The following RNF130 variants were observed in gnomAD, a reference collection of about 807,000 sequenced individuals.
The protein encoded by RNF130 is E3 ubiquitin-protein ligase RNF130.
RNF130 carries 21 observed loss-of-function variants against 44.6 expected under a neutral mutation model. The ratio of observed to expected loss-of-function variants is 0.47; its 90% CI spans 0.33 to 0.68. The LOEUF (loss-of-function observed/expected upper bound fraction) is 0.68. Among genes scored for constraint, RNF130 ranks in the 30% least tolerant of loss-of-function variants. The probability of loss-of-function intolerance (pLI) is 0.02; values close to 1 mark genes in which losing one functional copy is unlikely to be tolerated. For synonymous variants in RNF130, 214 were observed against 210.4 expected (o/e 1.02, Z -0.15); for missense variants, 479 against 560.6 (o/e 0.85, Z 1.47).
intron 7 of RNF130, among the ~76,000 whole-genome samples, chr5:179,925,609 G>C (rs759220454): frequency 2.0e-5 from 3 of 152,128 alleles, no homozygotes; most frequent in Non-Finnish European, 4.4e-5. Context: ...GCTCACTGCA[G>C]CGTCAACCTC....
In RNF130 at chr5:180,050,911, C is replaced by T. The variant is rs528516544; in HGVS notation, c.248-10264G>A. Among the ~76,000 whole-genome samples the T allele has an allele frequency of 2.6e-5, 4 of 152,202 alleles. No individual in the cohort carries two copies. The South Asian group carries it at 6.2e-4, about 24-fold the overall frequency. On this transcript the variant is annotated intron_variant, in intron 1 of 8. Coordinates refer to ENST00000521389, the MANE Select transcript of RNF130 (RefSeq NM_018434.6). ...CTCAACTTCCTGGGCTCAAGTAATC[C>T]TCCCACCTCAGCATCCTGAGTAGCT...
intron 5 of RNF130, among the ~76,000 whole-genome samples, chr5:179,974,261 G>A: frequency 6.6e-6 from 1 of 152,122 alleles, no homozygotes. Context: ...CTCCTGAAGT[G>A]GCATGGAAAC....
intron 3 of RNF130, among the ~76,000 whole-genome samples, chr5:180,011,021 A>G (rs1763582545): frequency 6.6e-6 from 1 of 152,230 alleles, no homozygotes; most frequent in African/African-American, 2.4e-5. Flanking sequence ...AGGAGAAATG[A>G]GTGAAGGGGA....
At chr5:179,999,898 G>A (rs147293764) in intron 3 of RNF130, among the ~76,000 whole-genome samples, 114 of 152,186 alleles carry the variant, frequency 7.5e-4, no homozygotes, top group Non-Finnish European at 1.3e-3. Context: ...ATTTTTAATT[G>A]CCTCTGGTTG....
At chr5:180,027,277 G>C (rs1434265599) in intron 2 of RNF130, among the ~76,000 whole-genome samples, 1 of 152,138 alleles carries the variant, frequency 6.6e-6, no homozygotes, top group Non-Finnish European at 1.5e-5. Flanking sequence ...AATTTCTGTA[G>C]ACAGCACTGC....
At chr5:180,010,522 G>C (rs1347371659) in intron 3 of RNF130, among the ~76,000 whole-genome samples, 2 of 152,020 alleles carry the variant, frequency 1.3e-5, no homozygotes, top group African/African-American at 4.8e-5. Flanking sequence ...ACCTTGCCCA[G>C]CTACATTTTT....
intron 7 of RNF130, among the ~76,000 whole-genome samples, chr5:179,938,875 C>G (rs965677372): frequency 2.0e-5 from 3 of 152,090 alleles, no homozygotes; most frequent in Non-Finnish European, 2.9e-5. Flanking sequence ...ATGGAAAAGC[C>G]GATTCATGCT....
At chr5:180,062,009 C>T (rs1234012685) in intron 1 of RNF130, among the ~76,000 whole-genome samples, 1 of 151,854 alleles carries the variant, frequency 6.6e-6, no homozygotes, top group East Asian at 1.9e-4. Context: ...TCTTTGTGTC[C>T]TCACATGGCA....
Position 179,988,451 on chromosome 5 carries a change from T to A in RNF130, c.694-8251A>T, listed in dbSNP as rs75461572. Among the ~76,000 whole-genome samples the A allele has an allele frequency of 9.7e-3, 1,479 of 152,324 alleles. 23 individuals are homozygous for A. The highest frequency in any genetic ancestry group is 0.034 in the African/African-American group (1,416 of 41,562). ...TTCATTCTACCAATTTTGGGTTTGG[T>A]TTATTCTTGCTTTTCCAGTTCCTTG... On this transcript the variant is annotated intron_variant, in intron 3 of 8. Transcript: ENST00000521389.
chr5:179,914,291 C>A (rs1444594429), exon 8 of RNF130: 1 of 152,278 alleles, frequency 6.6e-6, no homozygotes, highest in East Asian at 1.9e-4. Context: ...TTCCCACACT[C>A]CCTGACAGTG....
At chr5:180,006,572 C>T (rs1763467124) in intron 3 of RNF130, among the ~76,000 whole-genome samples, 1 of 152,166 alleles carries the variant, frequency 6.6e-6, no homozygotes, top group South Asian at 2.1e-4. Context: ...AAAGCACATG[C>T]ATTTTCACTG....
chr5:180,062,199 C>T (rs2386704), intron 1 of RNF130, among the ~76,000 whole-genome samples: 58,828 of 151,822 alleles, frequency 0.39, 12,479 homozygotes, highest in South Asian at 0.61. Context: ...GGACTACAGG[C>T]ACGCACAGCC....
At chr5:179,915,914 G>A (rs1561656546) in exon 8 of RNF130, 1 of 152,192 alleles carries the variant, frequency 6.6e-6, no homozygotes, top group South Asian at 2.1e-4. Context: ...TCACACCCCA[G>A]TTGCTTGATA....
intron 2 of RNF130, among the ~76,000 whole-genome samples, chr5:180,016,342 T>TCAGGACGGATACA: frequency 6.6e-6 from 1 of 151,950 alleles, no homozygotes; most frequent in Middle Eastern, 3.4e-3. Flanking sequence ...TGGCCCAGTT[T>TCAGGACGGATACA]CACGCCAAAG....
At chr5:180,023,583 T>C (rs1763921436) in intron 2 of RNF130, among the ~76,000 whole-genome samples, 1 of 152,144 alleles carries the variant, frequency 6.6e-6, no homozygotes, top group Non-Finnish European at 1.5e-5. Context: ...AATGGAGGCA[T>C]GTCAAAGGAC....
chr5:179,932,196 T>C (rs1761819296), intron 7 of RNF130, among the ~76,000 whole-genome samples: 1 of 142,458 alleles, frequency 7.0e-6, no homozygotes, highest in Non-Finnish European at 1.5e-5. Context: ...GTTGTACCAA[T>C]TCTAATTGTA....
intron 3 of RNF130, among the ~76,000 whole-genome samples, chr5:180,000,825 G>C (rs559148460): frequency 2.7e-4 from 41 of 152,198 alleles, no homozygotes; most frequent in African/African-American, 9.9e-4. Context: ...GTATCTCTCT[G>C]AGTTTCCATA....
intron 2 of RNF130, chr5:180,015,338 G>A (rs780243355): frequency 3.4e-5 from 18 of 533,568 alleles, no homozygotes; most frequent in South Asian, 1.4e-4. Flanking sequence ...TAACTGAGAC[G>A]GATCCCACAA....
At chr5:180,054,080 G>A (rs933212378) in intron 1 of RNF130, among the ~76,000 whole-genome samples, 1 of 152,062 alleles carries the variant, frequency 6.6e-6, no homozygotes, top group East Asian at 1.9e-4. Flanking sequence ...CTCCCAAAGT[G>A]CTGGATTACA....
Sources: allele counts gnomAD v4.1 joint callset (sites outside exome capture counted in the v4.1 genomes callset), GRCh38; gene constraint gnomAD v4.1.1; transcripts MANE v1.5; gene names NCBI Gene and HGNC (gene_info 2026-07-23, HGNC 2026-07-21).